CDH12: variants seen among roughly 807,000 people sequenced by gnomAD.
The protein encoded by CDH12 is cadherin-12.
Under a neutral mutation model 74.1 loss-of-function variants are expected in CDH12, and 41 were observed. The ratio of observed to expected loss-of-function variants is 0.55; its 90% CI spans 0.43 to 0.72. The LOEUF (loss-of-function observed/expected upper bound fraction) is 0.72. Among genes scored for constraint, CDH12 ranks in the 30% least tolerant of loss-of-function variants. CDH12 has a pLI of 0.00. For missense variants in CDH12, 945 were observed against 977.2 expected (o/e 0.97, Z 0.44); for synonymous variants, 399 against 355.0 (o/e 1.12, Z -1.39).
At chr5:21,804,137 C>T (rs1177533889) in intron 9 of CDH12, among the ~76,000 whole-genome samples, 2 of 152,128 alleles carry the variant, frequency 1.3e-5, no homozygotes, top group Admixed American at 6.6e-5. Flanking sequence ...TTGCTAACCT[C>T]ATACCTGTTA....
chr5:22,088,189 A>G (rs953382770), intron 4 of CDH12, among the ~76,000 whole-genome samples: 9 of 152,198 alleles, frequency 5.9e-5, no homozygotes, highest in African/African-American at 2.2e-4. Flanking sequence ...TTATTTAATA[A>G]TTATCATTTA....
intron 5 of CDH12, among the ~76,000 whole-genome samples, chr5:21,978,374 C>T (rs959634908): frequency 6.6e-5 from 10 of 152,120 alleles, no homozygotes; most frequent in African/African-American, 4.8e-5. Flanking sequence ...AACTCCTTAC[C>T]TCAAATAATC....
intron 1 of CDH12, among the ~76,000 whole-genome samples, chr5:22,683,110 A>G (rs184492138): frequency 6.6e-6 from 1 of 152,278 alleles, no homozygotes; most frequent in African/African-American, 2.4e-5. Context: ...TGAGATTGCC[A>G]TTTCTTAAAC....
chr5:22,287,548 C>T (rs901159027), intron 3 of CDH12, among the ~76,000 whole-genome samples: 22 of 151,718 alleles, frequency 1.5e-4, no homozygotes, highest in Non-Finnish European at 2.9e-4. Flanking sequence ...CACGGTGAAA[C>T]CCCGTCTCTA....
At chr5:22,071,160 AATTGTTTGC>A (rs1263232866) in intron 5 of CDH12, among the ~76,000 whole-genome samples, 2 of 151,516 alleles carry the variant, frequency 1.3e-5, no homozygotes, top group Non-Finnish European at 2.9e-5. Context: ...ATAATAATAA[AATTGTTTGC>A]ATAAAATTAA....
intron 4 of CDH12, among the ~76,000 whole-genome samples, chr5:22,165,095 T>C (rs916404111): frequency 1.3e-5 from 2 of 151,732 alleles, no homozygotes; most frequent in Non-Finnish European, 2.9e-5. Flanking sequence ...CCCGACATTC[T>C]ATTCTGAACA....
At chr5:22,125,908 C>T (rs1278689020) in intron 4 of CDH12, among the ~76,000 whole-genome samples, 1 of 150,144 alleles carries the variant, frequency 6.7e-6, no homozygotes, top group Non-Finnish European at 1.5e-5. Context: ...CTGGCTGACA[C>T]ATTGTGAAAT....
intron 3 of CDH12, among the ~76,000 whole-genome samples, chr5:22,399,561 C>T (rs1020201442): frequency 1.3e-5 from 2 of 152,004 alleles, no homozygotes; most frequent in African/African-American, 4.8e-5. Context: ...CAAAAATAAA[C>T]CTTCCAGAAA....
At position 22,200,678 on chromosome 5, in the gene CDH12, C is replaced by T. The variant is rs570856561; in HGVS notation, c.-187+11820G>A. Among the ~76,000 whole-genome samples, 37 of 152,198 alleles carry T rather than the reference C, an allele frequency of 2.4e-4. No individual in the cohort carries two copies. The East Asian group carries it at 2.9e-3, about 12-fold the overall frequency. ...GTTCTCTGACATTTCATCAAGGGGA[C>T]GTAGGGAAGCAAAATTCTTTTCAGA... On this transcript the variant is annotated intron_variant, in intron 4 of 14. Transcript: ENST00000382254.
At chr5:21,758,509 T>C (rs1463681213) in intron 13 of CDH12, among the ~76,000 whole-genome samples, 1 of 152,222 alleles carries the variant, frequency 6.6e-6, no homozygotes, top group Non-Finnish European at 1.5e-5. Flanking sequence ...AAAATTTATC[T>C]TTTTATTATC....
intron 6 of CDH12, among the ~76,000 whole-genome samples, chr5:21,966,099 G>T (rs1263730937): frequency 2.7e-5 from 4 of 150,692 alleles, no homozygotes; most frequent in Non-Finnish European, 5.9e-5. Flanking sequence ...GTATTAGTGT[G>T]GTGCTCACTT....
At chr5:22,750,106 T>C (rs1336130839) in intron 1 of CDH12, among the ~76,000 whole-genome samples, 1 of 152,104 alleles carries the variant, frequency 6.6e-6, no homozygotes, top group Non-Finnish European at 1.5e-5. Flanking sequence ...CATAGGAAAA[T>C]CTTATAGTAG....
At chr5:22,551,308 A>C (rs768214423) in intron 1 of CDH12, among the ~76,000 whole-genome samples, 44 of 152,156 alleles carry the variant, frequency 2.9e-4, no homozygotes, top group Admixed American at 1.8e-3. Flanking sequence ...TTGGTCTTAG[A>C]CTTTGAGTCT....
chr5:21,887,957 A>T (rs758593387), intron 6 of CDH12, among the ~76,000 whole-genome samples: 24 of 151,722 alleles, frequency 1.6e-4, no homozygotes, highest in Non-Finnish European at 3.1e-4. Flanking sequence ...ACCTCTTTCC[A>T]TTAGCACTAA....
intron 4 of CDH12, among the ~76,000 whole-genome samples, chr5:22,100,129 G>A (rs962265209): frequency 1.1e-4 from 17 of 152,040 alleles, no homozygotes; most frequent in African/African-American, 4.1e-4. Context: ...ATTAATATAA[G>A]AAGACAGGAA....
intron 1 of CDH12, among the ~76,000 whole-genome samples, chr5:22,822,079 A>G (rs1210825783): frequency 2.6e-5 from 4 of 152,318 alleles, no homozygotes; most frequent in East Asian, 1.9e-4. Context: ...ATAATGCTGC[A>G]TATCTACAAC....
At chr5:22,097,360 G>A (rs929782726) in intron 4 of CDH12, among the ~76,000 whole-genome samples, 4 of 152,076 alleles carry the variant, frequency 2.6e-5, no homozygotes, top group Non-Finnish European at 4.4e-5. Context: ...AGACCATCAC[G>A]GATGCTGAGC....
intron 1 of CDH12, among the ~76,000 whole-genome samples, chr5:22,687,013 G>T (rs1741833206): frequency 6.6e-6 from 1 of 152,140 alleles, no homozygotes; most frequent in Admixed American, 6.5e-5. Flanking sequence ...AATGAAAAAT[G>T]GGCCAGGTGC....
chr5:22,320,402 G>T (rs1235611719), intron 3 of CDH12, among the ~76,000 whole-genome samples: 1 of 152,044 alleles, frequency 6.6e-6, no homozygotes, highest in East Asian at 1.9e-4. Flanking sequence ...AGAATTTTTT[G>T]ATATATAAAT....
Sources: allele counts gnomAD v4.1 joint callset (sites outside exome capture counted in the v4.1 genomes callset), GRCh38; gene constraint gnomAD v4.1.1; transcripts MANE v1.5; gene names NCBI Gene and HGNC (gene_info 2026-07-23, HGNC 2026-07-21).